Variants in IPO11 observed in about 807,000 individuals in gnomAD.
IPO11 encodes the protein importin-11.
In IPO11, 66 loss-of-function variants were observed where a neutral mutation model predicts 143.2. The observed-to-expected ratio is 0.46, with a 90% CI of 0.38 to 0.57. IPO11 has a LOEUF of 0.57. Ranked by LOEUF, IPO11 falls within the 20% of genes least tolerant of loss-of-function variation. The pLI, the probability that IPO11 is intolerant of heterozygous loss-of-function variation, is 0.00. For synonymous variants in IPO11, 385 were observed against 377.8 expected (o/e 1.02, Z -0.22); for missense variants, 1,026 against 1,141.0 (o/e 0.90, Z 1.45).
At chr5:62,616,303 G>T (rs1746130578) in intron 29 of IPO11, among the ~76,000 whole-genome samples, 1 of 152,174 alleles carries the variant, frequency 6.6e-6, no homozygotes, top group Admixed American at 6.5e-5. Context: ...ATGCCAGGAA[G>T]CTTTCTTAGA....
At chr5:62,461,825 T>C (rs1745369789) in intron 5 of IPO11, among the ~76,000 whole-genome samples, 1 of 152,196 alleles carries the variant, frequency 6.6e-6, no homozygotes, top group East Asian at 1.9e-4. Context: ...ATGTTTCAGA[T>C]TTTTTTCAGA....
intron 16 of IPO11, among the ~76,000 whole-genome samples, chr5:62,498,601 C>T (rs1741236043): frequency 1.3e-5 from 2 of 152,232 alleles, no homozygotes; most frequent in East Asian, 1.9e-4. Flanking sequence ...GTTTTTAGGA[C>T]GTCTTGGCTG....
intron 7 of IPO11, among the ~76,000 whole-genome samples, chr5:62,470,735 AT>A (rs1192214355): frequency 1.3e-5 from 2 of 151,750 alleles, no homozygotes; most frequent in African/African-American, 2.4e-5. Flanking sequence ...AATTAAAAAA[AT>A]AAATATATAA....
chr5:62,588,018 G>A (rs1744863356), intron 27 of IPO11, among the ~76,000 whole-genome samples: 1 of 152,118 alleles, frequency 6.6e-6, no homozygotes, highest in African/African-American at 2.4e-5. Flanking sequence ...GAGTCACTGA[G>A]GCCTCGAATC....
intron 2 of IPO11, among the ~76,000 whole-genome samples, chr5:62,439,259 C>G (rs1282501033): frequency 2.7e-5 from 4 of 147,372 alleles, no homozygotes; most frequent in African/African-American, 1.0e-4. Context: ...ATAACTATAC[C>G]TTATTAATAA....
At chr5:62,484,682 C>G (rs1028055693) in intron 11 of IPO11, among the ~76,000 whole-genome samples, 1 of 151,084 alleles carries the variant, frequency 6.6e-6, no homozygotes. Flanking sequence ...AAAGTACTTA[C>G]TTGTATGTGA....
At chr5:62,598,430 TTCTCTCTCTC>T (rs1323743350) in intron 28 of IPO11, among the ~76,000 whole-genome samples, 8 of 7,180 alleles carry the variant, frequency 1.1e-3, no homozygotes, top group Non-Finnish European at 2.1e-3. Context: ...CTTTCTTTCT[TTCTCTCTCTC>T]TCTCTCTCTC....
At chr5:62,532,632 A>C (rs528990631) in intron 22 of IPO11, among the ~76,000 whole-genome samples, 12 of 152,332 alleles carry the variant, frequency 7.9e-5, no homozygotes, top group African/African-American at 2.9e-4. Context: ...TGCTGGGATT[A>C]CAGGCTTGAG....
At chr5:62,529,070 T>C (rs1742458955) in intron 21 of IPO11, among the ~76,000 whole-genome samples, 1 of 152,170 alleles carries the variant, frequency 6.6e-6, no homozygotes, top group African/African-American at 2.4e-5. Flanking sequence ...TTATTCTACT[T>C]GCTTTAGGTT....
At position 62,483,215 on chromosome 5, in the gene IPO11, C is replaced by G; in HGVS notation, c.943C>G (p.Arg315Gly). ...AGTTGGTGAAGGCGTTACATTTGAA[C>G]GATTCATTGTCCAATGTATGAATCT... ...TEVGEGVTFE[R>G]FIVQCMNLIK... The change falls in exon 10 of 30, where the codon CGA (arginine) becomes GGA (glycine). Residue 315 changes from arginine to glycine, a missense_variant. By Grantham distance (125) the Arg-to-Gly change is moderately radical (BLOSUM62 -2). This residue lies in a region of IPO11 where 429 missense variants were observed against 456.3 expected (regional missense o/e 0.94). Transcript: ENST00000325324. 6.2e-7 allele frequency: 1 copy of G among 1,610,480 alleles called. No homozygotes were observed. Among genetic ancestry groups the G allele is most frequent in the Admixed American group, 1.7e-5 (1 of 59,910 alleles).
At chr5:62,490,083 CT>C in intron 14 of IPO11, 31 bp from the exon 15 acceptor site, 1 of 1,387,646 alleles carries the variant, frequency 7.2e-7, no homozygotes, top group Non-Finnish European at 9.8e-7. Flanking sequence ...TATCTGAAAC[CT>C]TTAATTTTTT....
chr5:62,624,202 T>G (rs1161650902), intron 29 of IPO11, among the ~76,000 whole-genome samples: 1 of 151,840 alleles, frequency 6.6e-6, no homozygotes, highest in Non-Finnish European at 1.5e-5. Flanking sequence ...GCCCAGCTAA[T>G]TTTGTATTTT....
At chr5:62,539,095 A>G (rs1233329346) in intron 24 of IPO11, among the ~76,000 whole-genome samples, 1 of 152,214 alleles carries the variant, frequency 6.6e-6, no homozygotes, top group Non-Finnish European at 1.5e-5. Context: ...TAAGGACTGT[A>G]TTAGTTTCCT....
intron 20 of IPO11, among the ~76,000 whole-genome samples, chr5:62,517,677 A>T (rs1048753906): frequency 2.0e-5 from 3 of 152,210 alleles, no homozygotes; most frequent in Non-Finnish European, 2.9e-5. Context: ...TGCTGGGATT[A>T]CAGGCGTGAG....
intron 4 of IPO11, among the ~76,000 whole-genome samples, chr5:62,451,501 C>A (rs184021021): frequency 1.3e-5 from 2 of 152,126 alleles, no homozygotes; most frequent in Non-Finnish European, 2.9e-5. Context: ...AAGAAAACCT[C>A]GTTTCACACT....
intron 1 of IPO11, among the ~76,000 whole-genome samples, chr5:62,425,363 G>C (rs1743693423): frequency 6.6e-6 from 1 of 152,144 alleles, no homozygotes; most frequent in Admixed American, 6.6e-5. Context: ...TGTTGCCCAG[G>C]CTGAAGTACA....
At chr5:62,460,117 A>T (rs1745303423) in intron 5 of IPO11, among the ~76,000 whole-genome samples, 1 of 152,086 alleles carries the variant, frequency 6.6e-6, no homozygotes, top group Non-Finnish European at 1.5e-5. Flanking sequence ...AGATAGATTT[A>T]TTTTTTAAGT....
chr5:62,505,081 G>C (rs1741509025), intron 18 of IPO11, among the ~76,000 whole-genome samples, 183 bp downstream of exon 18: 1 of 151,840 alleles, frequency 6.6e-6, no homozygotes, highest in Non-Finnish European at 1.5e-5. Context: ...AACTTTTATT[G>C]CTAACAGTTC....
intron 22 of IPO11, among the ~76,000 whole-genome samples, chr5:62,534,155 A>G (rs141274253): frequency 7.6e-4 from 116 of 152,312 alleles, no homozygotes; most frequent in African/African-American, 2.6e-3. Flanking sequence ...AAGCAGAACC[A>G]GAGGCTGTAA....
Sources: gnomAD v4.1 joint callset for allele counts (sites outside exome capture counted in the v4.1 genomes callset) on GRCh38, gnomAD v4.1.1 for gene constraint, gnomAD v4.1.1 regional missense constraint, MANE v1.5 for transcripts, NCBI Gene and HGNC (gene_info 2026-07-23, HGNC 2026-07-21) for gene names.